Variants in SKP2 observed in about 807,000 individuals in gnomAD.
SKP2 encodes the protein S-phase kinase associated protein 2.
In SKP2, 16 loss-of-function variants were observed where a neutral mutation model predicts 51.8. The observed-to-expected ratio is 0.31, with a 90% CI of 0.21 to 0.47. The LOEUF (loss-of-function observed/expected upper bound fraction) is 0.47. Ranked by LOEUF, SKP2 falls within the 20% of genes least tolerant of loss-of-function variation. SKP2 has a pLI of 1.00. For missense variants in SKP2, 377 were observed against 505.3 expected, an observed-to-expected ratio of 0.75 and a Z score of 2.43; for synonymous variants, 176 against 198.6, an observed-to-expected ratio of 0.89 and a Z score of 0.96.
downstream of SKP2, among the ~76,000 whole-genome samples, chr5:36,188,968 AT>A (rs1354871753): frequency 3.3e-5 from 5 of 151,832 alleles, no homozygotes; most frequent in Non-Finnish European, 5.9e-5. Flanking sequence ...ACTTCATTTC[AT>A]TCATTTTATC....
Position 36,182,477 on chromosome 5 carries a change from G to T in SKP2, c.*446G>T. Reference sequence around the variant, plus strand: ...AAGAACAATAAGCTATTTGTATTATGAGCTGAACAAAAAGAGAATCATAGG... The same window carrying T: ...AAGAACAATAAGCTATTTGTATTATTAGCTGAACAAAAAGAGAATCATAGG... On this transcript the variant is annotated 3_prime_UTR_variant, in exon 10 of 10. Coordinates refer to ENST00000274255, the MANE Select transcript of SKP2 (RefSeq NM_005983.4). 1 of 988,456 alleles carries T rather than the reference G, an allele frequency of 1.0e-6. No homozygotes were observed. The highest frequency in any genetic ancestry group is 1.2e-6 in the Non-Finnish European group (1 of 831,616). The allele number at this position is 988,456 out of a possible 1,614,324, so 61.2% of individuals were successfully genotyped here. A position where few individuals can be genotyped will look rare whatever the true frequency, so the allele number is the denominator to read the frequency against.
chr5:36,176,445 T>G, intron 7 of SKP2, among the ~76,000 whole-genome samples: 1 of 151,260 alleles, frequency 6.6e-6, no homozygotes, highest in East Asian at 1.9e-4. Context: ...TTAGTAATTT[T>G]TAATATTTAA....
chr5:36,173,493 A>G (rs1012531094), intron 7 of SKP2, among the ~76,000 whole-genome samples: 1 of 152,148 alleles, frequency 6.6e-6, no homozygotes, highest in Non-Finnish European at 1.5e-5. Flanking sequence ...TGCCTTGTTT[A>G]TATTTCTTTC....
chr5:36,176,707 T>C (rs1456423320), intron 7 of SKP2, among the ~76,000 whole-genome samples: 1 of 152,008 alleles, frequency 6.6e-6, no homozygotes, highest in African/African-American at 2.4e-5. Context: ...CTATTATTTT[T>C]CCAGCCTGCT....
chr5:36,154,833 A>C (rs915655869), intron 2 of SKP2, among the ~76,000 whole-genome samples: 10 of 152,124 alleles, frequency 6.6e-5, no homozygotes, highest in African/African-American at 2.2e-4. Flanking sequence ...GAGCCACCAC[A>C]CCTGGCCAAA....
intron 2 of SKP2, among the ~76,000 whole-genome samples, chr5:36,157,125 TA>T: frequency 6.7e-6 from 1 of 149,844 alleles, no homozygotes; most frequent in Non-Finnish European, 1.5e-5. Context: ...CTACAGTTAC[TA>T]AACTCAGCAC....
chr5:36,174,181 G>A (rs907990207), intron 7 of SKP2, among the ~76,000 whole-genome samples: 1 of 152,114 alleles, frequency 6.6e-6, no homozygotes, highest in African/African-American at 2.4e-5. Flanking sequence ...CTTGACTTCT[G>A]TAGCTGAAAT....
At chr5:36,155,903 A>G (rs1744931492) in intron 2 of SKP2, among the ~76,000 whole-genome samples, 1 of 152,196 alleles carries the variant, frequency 6.6e-6, no homozygotes, top group Non-Finnish European at 1.5e-5. Flanking sequence ...TTTGCAAGTC[A>G]AGTTGAGGAG....
chr5:36,187,576 TG>T (rs1358925673), downstream of SKP2, among the ~76,000 whole-genome samples: 1 of 152,236 alleles, frequency 6.6e-6, no homozygotes, highest in African/African-American at 2.4e-5. Context: ...AGTTCTAGTT[TG>T]ATCACACTGT....
rs1158061183 is a variant in SKP2 at position 36,166,475 on chromosome 5, TTAGTGTGACCGACTGGCCAAATTAAG to T, written c.393-41_393-16del. 6.3e-7 allele frequency: 1 copy of T among 1,593,192 alleles called. No individual in the cohort carries two copies. Among genetic ancestry groups the T allele is most frequent in the Non-Finnish European group, 8.6e-7 (1 of 1,161,944 alleles). On this transcript the variant is annotated intron_variant, in intron 3 of 9. Transcript: ENST00000274255. Reference sequence around the variant, plus strand: ...TAATGTTGTTGAGGGCTTCCAGCATTTAGTGTGACCGACTGGCCAAATTAAGTATCTCCTCTTTTATAGGTCTGATG... The same window carrying T: ...TAATGTTGTTGAGGGCTTCCAGCATTTATCTCCTCTTTTATAGGTCTGATG...
intron 6 of SKP2, among the ~76,000 whole-genome samples, chr5:36,191,688 T>A (rs1746028430): frequency 6.6e-6 from 1 of 152,096 alleles, no homozygotes; most frequent in Non-Finnish European, 1.5e-5. Flanking sequence ...ATGCAGAGCC[T>A]ATGAGGAAAC....
intron 9 of SKP2, among the ~76,000 whole-genome samples, chr5:36,179,256 T>C (rs774984489): frequency 6.6e-6 from 1 of 152,326 alleles, no homozygotes; most frequent in Non-Finnish European, 1.5e-5. Context: ...AGAATTAGAA[T>C]GACTCTAATT....
chr5:36,153,213 GATATATATATATATATAT>G, intron 2 of SKP2, among the ~76,000 whole-genome samples, 171 bp downstream of exon 2: 1 of 147,640 alleles, frequency 6.8e-6, no homozygotes, highest in Non-Finnish European at 1.5e-5. Flanking sequence ...AATCTTGGTA[GATATATATATATATATAT>G]ATATATATAT....
chr5:36,167,136 T>C (rs1745312728), intron 4 of SKP2, among the ~76,000 whole-genome samples: 1 of 152,188 alleles, frequency 6.6e-6, no homozygotes, highest in African/African-American at 2.4e-5. Flanking sequence ...GTTTGTTTTG[T>C]AGAATATTTT....
At chr5:36,169,337 C>G (rs1210913108) in intron 5 of SKP2, among the ~76,000 whole-genome samples, 1 of 151,974 alleles carries the variant, frequency 6.6e-6, no homozygotes, top group African/African-American at 2.4e-5. Context: ...CCCAGCTACT[C>G]AGGAGGCTGA....
In SKP2 at chr5:36,168,302, T is replaced by G. The variant is rs775246246; in HGVS notation, c.537-11T>G. ...CCACCTATGGAGCTCCTTTTTTCTCTCCGTGTTTAGCCCTTTTCGTGTACA... is the reference window on the plus strand; with the variant it reads ...CCACCTATGGAGCTCCTTTTTTCTCGCCGTGTTTAGCCCTTTTCGTGTACA... On this transcript the variant is annotated splice_polypyrimidine_tract_variant and intron_variant, in intron 4 of 9. Transcript: ENST00000274255. 3 of 1,612,158 alleles carry G rather than the reference T, an allele frequency of 1.9e-6. 1 individual carries two copies. The highest frequency in any genetic ancestry group is 1.1e-5 in the South Asian group (1 of 90,524).
At chr5:36,154,283 G>A (rs1387674901) in intron 2 of SKP2, among the ~76,000 whole-genome samples, 1 of 151,984 alleles carries the variant, frequency 6.6e-6, no homozygotes, top group African/African-American at 2.4e-5. Context: ...CAAATATCTT[G>A]GAGAAAAGAG....
chr5:36,160,187 CTG>C (rs1017259416), intron 2 of SKP2, among the ~76,000 whole-genome samples: 6 of 152,242 alleles, frequency 3.9e-5, no homozygotes, highest in African/African-American at 1.2e-4. Flanking sequence ...CTGATAGAAA[CTG>C]TGCTGCTTTC....
chr5:36,161,364 T>C (rs1037359472), intron 2 of SKP2, among the ~76,000 whole-genome samples: 2 of 150,994 alleles, frequency 1.3e-5, no homozygotes, highest in Admixed American at 6.6e-5. Context: ...AAGTAAATAA[T>C]GAAATTATGG....
Sources: gnomAD v4.1 joint callset for allele counts (sites outside exome capture counted in the v4.1 genomes callset) on GRCh38, gnomAD v4.1.1 for gene constraint, MANE v1.5 for transcripts, NCBI Gene and HGNC (gene_info 2026-07-23, HGNC 2026-07-21) for gene names.